ASXL1: variants seen among roughly 807,000 people sequenced by gnomAD.
ASXL1 encodes the protein ASXL transcriptional regulator 1, also known as polycomb group protein ASXL1.
ASXL1 carries 65 observed loss-of-function variants against 89.1 expected under a neutral mutation model. The ratio of observed to expected loss-of-function variants is 0.73; its 90% CI spans 0.60 to 0.90. ASXL1 has a LOEUF of 0.90. Among genes scored for constraint, ASXL1 ranks in the 40% least tolerant of loss-of-function variants. The pLI is 0.00. For missense variants in ASXL1, 1,786 were observed against 1,942.9 expected (o/e 0.92, Z 1.52); for synonymous variants, 739 against 746.9 (o/e 0.99, Z 0.17).
Position 32,437,103 on chromosome 20 carries a change from C to T in ASXL1, c.4391C>T (p.Pro1464Leu), listed in dbSNP as rs2011962449. The T allele has an allele frequency of 6.2e-7, 1 of 1,614,228 alleles. No homozygotes were observed. ...TATTCCTCTAGCTCTCCCACCTTTCCCAAAGGCCTTGCTGGAAGTGTGGTG... is the reference window on the plus strand; with the variant it reads ...TATTCCTCTAGCTCTCCCACCTTTCTCAAAGGCCTTGCTGGAAGTGTGGTG... ...FNYSSSSPTF[P>L]KGLAGSVVQL... Residue 1464 changes from proline to leucine, a missense_variant, in exon 13 of 13, where the codon CCC becomes CTC. Pro to Leu is a moderately conservative substitution (Grantham distance 98). Around this residue, in one of 3 missense-constraint regions of ASXL1, gnomAD observed 1,418 missense variants for 1,427.8 expected, o/e 0.99. Coordinates refer to ENST00000375687, the MANE Select transcript of ASXL1 (RefSeq NM_015338.6).
chr20:32,366,570 C>T, intron 2 of ASXL1, 104 bp downstream of exon 2: 1 of 1,592,346 alleles, frequency 6.3e-7, no homozygotes, highest in South Asian at 1.1e-5. Flanking sequence ...ATTTGTGCTT[C>T]TGTGTCTGGT....
At chr20:32,399,020 G>T (rs1156413456) in intron 4 of ASXL1, among the ~76,000 whole-genome samples, 2 of 151,848 alleles carry the variant, frequency 1.3e-5, no homozygotes, top group African/African-American at 4.8e-5. Context: ...GCCCAGCCTG[G>T]CCAACACAGT....
intron 1 of ASXL1, among the ~76,000 whole-genome samples, chr20:32,364,952 TAA>T (rs2048181493): frequency 1.3e-5 from 2 of 152,044 alleles, no homozygotes; most frequent in Non-Finnish European, 2.9e-5. Flanking sequence ...TTGGGTCAGG[TAA>T]GAGACTGGTT....
chr20:32,424,840 A>G (rs569388678), intron 4 of ASXL1, among the ~76,000 whole-genome samples: 16 of 152,158 alleles, frequency 1.1e-4, no homozygotes, highest in Non-Finnish European at 1.8e-4. Flanking sequence ...AATGCATAGG[A>G]CACAAATGTT....
At chr20:32,402,226 C>G (rs1283425214) in intron 4 of ASXL1, among the ~76,000 whole-genome samples, 2 of 152,158 alleles carry the variant, frequency 1.3e-5, no homozygotes, top group Non-Finnish European at 2.9e-5. Context: ...GAGCATTTCT[C>G]CCCCCTAAAT....
chr20:32,373,792 C>T (rs1182686731), intron 4 of ASXL1, among the ~76,000 whole-genome samples: 2 of 151,852 alleles, frequency 1.3e-5, no homozygotes, highest in Admixed American at 6.6e-5. Flanking sequence ...TGCTTGAACC[C>T]GGGAGGCAGA....
chr20:32,423,051 AT>A (rs1160468309), intron 4 of ASXL1, among the ~76,000 whole-genome samples: 1 of 152,070 alleles, frequency 6.6e-6, no homozygotes, highest in Non-Finnish European at 1.5e-5. Flanking sequence ...TGTCAGACAT[AT>A]AGGGTTAATG....
rs1390498660 is a variant in ASXL1, at chr20:32,437,576, C to T, written c.*238C>T. On this transcript the variant is annotated 3_prime_UTR_variant, in exon 13 of 13. Coordinates refer to ENST00000375687, the MANE Select transcript of ASXL1 (RefSeq NM_015338.6). The stretch of plus-strand genomic sequence containing the variant: ...CCCAAGGCCAGCCAGCCTGAGCTCT[C>T]CTGCAAGACAGAGCCTGATGTGGCA... The T allele has an allele frequency of 3.4e-6, 2 of 594,290 alleles. No homozygotes were observed. Among genetic ancestry groups the T allele is most frequent in the African/African-American group, 1.9e-5 (1 of 53,868 alleles). 36.8% of individuals were successfully genotyped at this position (594,290 alleles called of 1,614,324 possible). A position where few individuals can be genotyped will look rare whatever the true frequency, so the allele number is the denominator to read the frequency against.
chr20:32,430,893 A>T, intron 8 of ASXL1: 1 of 430,910 alleles, frequency 2.3e-6, no homozygotes, highest in Non-Finnish European at 4.4e-6. Flanking sequence ...CATGGAGATC[A>T]TCCCTCTCCA....
chr20:32,433,017 G>C (rs762273317), intron 11 of ASXL1, 32 bp downstream of exon 11: 1 of 1,611,110 alleles, frequency 6.2e-7, no homozygotes, highest in Admixed American at 1.7e-5. Context: ...GTCCTGGTCT[G>C]GGGTTTTGAG....
In ASXL1 at chr20:32,434,751, G is replaced by T. The variant is rs375968114; in HGVS notation, c.2039G>T (p.Gly680Val). 6.2e-7 allele frequency: 1 copy of T among 1,613,338 alleles called. No individual in the cohort carries two copies. Among genetic ancestry groups the T allele is most frequent in the South Asian group, 1.1e-5 (1 of 91,066 alleles). ...EACGHPEPRGGPSTPGKCTSD... is the reference protein window; with the variant it reads ...EACGHPEPRGVPSTPGKCTSD... ...TGTGGCCACCCTGAGCCCAGGGGAG[G>T]CCCGAGCACCCCTGGAAAGTGTACG... is the stretch of plus-strand genomic sequence containing the variant. The change falls in exon 13 of 13, where the codon GGC becomes GTC. Residue 680 changes from glycine to valine, a missense_variant. Gly to Val is a moderately radical substitution (Grantham distance 109). This residue lies in a region of ASXL1 where 1,418 missense variants were observed against 1,427.8 expected (regional missense o/e 0.99). Transcript: ENST00000375687.
At chr20:32,400,708 C>G (rs6119246) in intron 4 of ASXL1, among the ~76,000 whole-genome samples, 2 of 152,218 alleles carry the variant, frequency 1.3e-5, no homozygotes, top group Admixed American at 6.5e-5. Context: ...TTCTAGCTGC[C>G]TAAGTCCTGC....
rs1000686932 is a variant in ASXL1 at position 32,364,228 on chromosome 20, T to C, written c.58-2156T>C. 2.0e-5 allele frequency among the ~76,000 whole-genome samples: 3 copies of C among 152,120 alleles called. No individual in the cohort carries two copies. The East Asian group carries it at 5.8e-4, about 29-fold the overall frequency. ...TTGCTTTCTATTATTATTATTACTA[T>C]TTTTTGAGACAGGGTCTCACTCTGT... On this transcript the variant is annotated intron_variant, in intron 1 of 12. Transcript: ENST00000375687.
In ASXL1 at chr20:32,436,490, G is replaced by A; in HGVS notation, c.3778G>A (p.Gly1260Arg). The A allele has an allele frequency of 5.6e-6, 9 of 1,614,200 alleles. No individual in the cohort carries two copies. The highest frequency in any genetic ancestry group is 6.8e-6 in the Non-Finnish European group (8 of 1,180,042). The change falls in exon 13 of 13, where the codon GGA (glycine) becomes AGA (arginine). Residue 1260 changes from glycine (G) to arginine (R), a missense_variant. Physicochemically the swap from Gly to Arg is moderately radical, Grantham distance 125 (BLOSUM62 -2). Coordinates refer to ENST00000375687, the MANE Select transcript of ASXL1 (RefSeq NM_015338.6). ...GGACAGTAATTCAAATGCTGCTCCA[G>A]GAAAGAGCCCAGGAGATCTTACTAC... ...SQDSNSNAAP[G>R]KSPGDLTTSR...
chr20:32,372,475 A>G, intron 4 of ASXL1: 1 of 954,878 alleles, frequency 1.0e-6, no homozygotes, highest in Non-Finnish European at 1.3e-6. Flanking sequence ...ACTCCTTGAG[A>G]GCAGAGTCTG....
rs533988689 is a variant in ASXL1 at position 32,434,642 on chromosome 20, G to T, written c.1930G>T (p.Gly644Trp). 5 of 1,607,394 alleles carry T rather than the reference G, an allele frequency of 3.1e-6. No individual in the cohort carries two copies. The African/African-American group carries it at 4.0e-5, about 13-fold the overall frequency. Residue 644 changes from glycine to tryptophan, a missense_variant, in exon 13 of 13, where the codon GGG becomes TGG. Around this residue, in one of 3 missense-constraint regions of ASXL1, gnomAD observed 1,418 missense variants for 1,427.8 expected, o/e 0.99. Transcript: ENST00000375687. ...GGCGGCCACCACTGCCATCGGAGGG[G>T]GGGGTGGCCCGGGTGGAGGTGGCGG... is the stretch of plus-strand genomic sequence containing the variant. ...REAATTAIGG[G>W]GGPGGGGGGA...
chr20:32,385,787 A>G (rs2048569739), intron 4 of ASXL1, among the ~76,000 whole-genome samples: 1 of 152,152 alleles, frequency 6.6e-6, no homozygotes, highest in South Asian at 2.1e-4. Context: ...ATTTTTTTCA[A>G]AACATAATTT....
chr20:32,406,246 T>A (rs1341721177), intron 4 of ASXL1, among the ~76,000 whole-genome samples: 61 of 152,154 alleles, frequency 4.0e-4, no homozygotes, highest in Non-Finnish European at 2.2e-4. Context: ...TAAGTCCTTT[T>A]TCCAACAATA....
chr20:32,431,025 A>C, intron 8 of ASXL1: 1 of 582,908 alleles, frequency 1.7e-6, no homozygotes, highest in Non-Finnish European at 3.2e-6. Flanking sequence ...TTTGGAGGGA[A>C]GCTCAGAACC....
Sources: gnomAD v4.1 joint callset for allele counts (sites outside exome capture counted in the v4.1 genomes callset) on GRCh38, gnomAD v4.1.1 for gene constraint, gnomAD v4.1.1 regional missense constraint, MANE v1.5 for transcripts, NCBI Gene and HGNC (gene_info 2026-07-23, HGNC 2026-07-21) for gene names.